GRM5: variants seen among roughly 807,000 people sequenced by gnomAD.
The protein encoded by GRM5 is glutamate metabotropic receptor 5, also known as metabotropic glutamate receptor 5.
In GRM5, 19 loss-of-function variants were observed where a neutral mutation model predicts 83.1. That is an observed-to-expected ratio of 0.23 (90% CI 0.16 to 0.34). The LOEUF (loss-of-function observed/expected upper bound fraction) is 0.34. GRM5 is among the 10% of genes least tolerant of loss of function. The pLI is 1.00. For missense variants in GRM5, 1,160 were observed against 1,588.3 expected, an observed-to-expected ratio of 0.73 and a Z score of 4.58; for synonymous variants, 675 against 633.6, an observed-to-expected ratio of 1.07 and a Z score of -0.98.
chr11:88,725,674 G>T (rs1038420845), intron 3 of GRM5, among the ~76,000 whole-genome samples: 3 of 152,130 alleles, frequency 2.0e-5, no homozygotes, highest in African/African-American at 7.2e-5. Flanking sequence ...ATGGGATGAG[G>T]CTTCCAGAGG....
chr11:88,642,393 G>A (rs4753632), intron 4 of GRM5, among the ~76,000 whole-genome samples: 103,567 of 151,996 alleles, frequency 0.68, 41,214 homozygotes, highest in Non-Finnish European at 0.9. Context: ...ATGCCTAAGC[G>A]GCCTTTCCCT....
chr11:88,978,412 GGAA>G (rs770503607), intron 2 of GRM5, among the ~76,000 whole-genome samples: 2 of 138,192 alleles, frequency 1.4e-5, no homozygotes. Context: ...GGGCCACACT[GGAA>G]GAAGAATTGT....
At chr11:88,604,096 A>T (rs894444614) in intron 5 of GRM5, among the ~76,000 whole-genome samples, 3 of 152,190 alleles carry the variant, frequency 2.0e-5, no homozygotes, top group Admixed American at 6.5e-5. Context: ...GAATTATGGT[A>T]AGTTCTGGGT....
intron 2 of GRM5, among the ~76,000 whole-genome samples, chr11:88,881,565 G>C (rs1186437165): frequency 6.6e-6 from 1 of 152,086 alleles, no homozygotes; most frequent in Non-Finnish European, 1.5e-5. Context: ...CTCTTCACTA[G>C]AAGAAAAGCA....
At chr11:88,664,200 T>A (rs1204060338) in intron 3 of GRM5, among the ~76,000 whole-genome samples, 1 of 152,192 alleles carries the variant, frequency 6.6e-6, no homozygotes, top group Non-Finnish European at 1.5e-5. Flanking sequence ...GTAGTGTTTT[T>A]TTCCTACCAA....
chr11:88,646,642 G>C (rs1315470802), intron 4 of GRM5, among the ~76,000 whole-genome samples: 1 of 144,052 alleles, frequency 6.9e-6, no homozygotes, highest in Non-Finnish European at 1.6e-5. Flanking sequence ...GGAGAAGGAA[G>C]CAAATGAAAA....
chr11:88,929,343 C>A (rs1270329114), intron 2 of GRM5, among the ~76,000 whole-genome samples: 1 of 151,998 alleles, frequency 6.6e-6, no homozygotes, highest in African/African-American at 2.4e-5. Flanking sequence ...AAACAATTAA[C>A]AACATACAAT....
At chr11:88,995,397 T>A (rs566204231) in intron 2 of GRM5, among the ~76,000 whole-genome samples, 1 of 151,652 alleles carries the variant, frequency 6.6e-6, no homozygotes, top group African/African-American at 2.4e-5. Context: ...TACAAAAAAT[T>A]AGCCGGGCGT....
intron 1 of GRM5, among the ~76,000 whole-genome samples, chr11:89,048,594 T>A (rs1941692541): frequency 6.6e-6 from 1 of 152,172 alleles, no homozygotes; most frequent in African/African-American, 2.4e-5. Flanking sequence ...TCACATATTC[T>A]CTCTCCAAAT....
chr11:88,792,131 A>G (rs1236922433), intron 3 of GRM5, among the ~76,000 whole-genome samples: 1 of 152,090 alleles, frequency 6.6e-6, no homozygotes, highest in Non-Finnish European at 1.5e-5. Flanking sequence ...CCAACAACCT[A>G]GTTTTTTAAA....
At chr11:88,587,124 A>C (rs1222127806) in intron 7 of GRM5, among the ~76,000 whole-genome samples, 1 of 152,206 alleles carries the variant, frequency 6.6e-6, no homozygotes, top group Non-Finnish European at 1.5e-5. Flanking sequence ...GGAGTGGCAG[A>C]TATGTATACA....
intron 2 of GRM5, among the ~76,000 whole-genome samples, chr11:88,944,298 G>C (rs1938206043): frequency 1.3e-5 from 2 of 151,948 alleles, no homozygotes; most frequent in African/African-American, 2.4e-5. Flanking sequence ...ATAAGTAAGA[G>C]AGAAACATAA....
rs778784135 is a variant in GRM5 at position 89,047,848 on chromosome 11, C to T, written c.25G>A (p.Val9Ile). The T allele has an allele frequency of 1.2e-6, 2 of 1,613,838 alleles. No homozygotes were observed. Among genetic ancestry groups the T allele is most frequent in the South Asian group, 2.2e-5 (2 of 91,062 alleles). Reference sequence around the variant, plus strand: ...CGGACATCTTCTTTCAAAAGTAAGACTGACAGGATCAACAGAAGGACCATT... The same window carrying T: ...CGGACATCTTCTTTCAAAAGTAAGATTGACAGGATCAACAGAAGGACCATT... MVLLLILSVLLLKEDVRGS... is the reference protein window; with the variant it reads MVLLLILSILLLKEDVRGS... Residue 9 changes from valine to isoleucine, a missense_variant, in exon 2 of 10, where the codon GTC becomes ATC. Val to Ile is a conservative substitution (Grantham distance 29, BLOSUM62 3). Around this residue, in one of 9 missense-constraint regions of GRM5, gnomAD observed 71 missense variants for 145.8 expected, o/e 0.49. Transcript: ENST00000305447. The surrounding 1 kb of genome is among the most constrained non-coding windows in gnomAD (Gnocchi z 5.1).
Position 88,810,269 on chromosome 11 carries a change from CT to C in GRM5, c.911+39636del, listed in dbSNP as rs149903608. 5.7e-3 allele frequency among the ~76,000 whole-genome samples: 868 copies of C among 151,964 alleles called. 18 individuals carry two copies. The East Asian group carries it at 0.072, about 13-fold the overall frequency. On this transcript the variant is annotated intron_variant, in intron 3 of 9. Transcript: ENST00000305447. ...GCCAGTAATAATTAGGTTTGGATAG[CT>C]GAGTAAAGCTTTGGTTAAAAAAACT... is the stretch of plus-strand genomic sequence containing the variant.
intron 3 of GRM5, among the ~76,000 whole-genome samples, chr11:88,749,743 T>A (rs953035391): frequency 6.6e-6 from 1 of 152,162 alleles, no homozygotes; most frequent in African/African-American, 2.4e-5. Context: ...ACAGTGGACC[T>A]CTCAGCAGAA....
At chr11:88,784,945 T>C (rs1232378415) in intron 3 of GRM5, among the ~76,000 whole-genome samples, 3 of 152,066 alleles carry the variant, frequency 2.0e-5, no homozygotes, top group Non-Finnish European at 2.9e-5. Flanking sequence ...ATATAAATCA[T>C]AGACTAAGAG....
chr11:88,912,179 T>C (rs917458597), intron 2 of GRM5: 2 of 203,124 alleles, frequency 9.8e-6, no homozygotes. Context: ...AATAACATTG[T>C]TATTTTTCAA....
chr11:89,058,946 T>C (rs1942483), intron 1 of GRM5, among the ~76,000 whole-genome samples: 99,142 of 152,048 alleles, frequency 0.65, 36,474 homozygotes, highest in Non-Finnish European at 0.82. Flanking sequence ...TATAATAGTG[T>C]ATTATTTACT....
intron 3 of GRM5, among the ~76,000 whole-genome samples, chr11:88,732,202 A>C (rs1941821477): frequency 6.6e-6 from 1 of 152,076 alleles, no homozygotes; most frequent in African/African-American, 2.4e-5. Context: ...GTTTGACTGA[A>C]AATTCCCTGA....
Sources: gnomAD v4.1 joint callset for allele counts (sites outside exome capture counted in the v4.1 genomes callset) on GRCh38, gnomAD v4.1.1 for gene constraint, gnomAD v4.1.1 regional missense constraint, Gnocchi (gnomAD v3.1) non-coding constraint, MANE v1.5 for transcripts, NCBI Gene and HGNC (gene_info 2026-07-23, HGNC 2026-07-21) for gene names.